The following USP10 variants were observed in gnomAD, a reference collection of about 807,000 sequenced individuals.
USP10 encodes the protein ubiquitin specific peptidase 10.
Under a neutral mutation model 84.5 loss-of-function variants are expected in USP10, and 22 were observed. The observed-to-expected ratio is 0.26, with a 90% CI of 0.19 to 0.37. The LOEUF (loss-of-function observed/expected upper bound fraction) is 0.37. Among genes scored for constraint, USP10 ranks in the 10% least tolerant of loss-of-function variants. The pLI, the probability that USP10 is intolerant of heterozygous loss-of-function variation, is 1.00. For synonymous variants in USP10, 454 were observed against 387.6 expected (o/e 1.17, Z -2.01); for missense variants, 1,019 against 998.9 (o/e 1.02, Z -0.27).
intron 4 of USP10, among the ~76,000 whole-genome samples, chr16:84,757,402 G>GTGTGTGTGTGT (rs1555546471): frequency 6.2e-4 from 51 of 82,858 alleles, no homozygotes; most frequent in South Asian, 2.8e-3. Flanking sequence ...GAGGGGTGGG[G>GTGTGTGTGTGT]GTGTGTGTGT....
intron 1 of USP10, among the ~76,000 whole-genome samples, chr16:84,719,232 C>T (rs1238637651): frequency 1.3e-5 from 2 of 152,186 alleles, no homozygotes; most frequent in Non-Finnish European, 2.9e-5. Context: ...GTAATTATCT[C>T]AAATTATTTT....
chr16:84,772,402 G>T (rs1914548399), intron 11 of USP10, 139 bp from the exon 12 acceptor site: 3 of 1,161,982 alleles, frequency 2.6e-6, no homozygotes, highest in Non-Finnish European at 3.7e-6. Flanking sequence ...CTTCTGTGGG[G>T]CAGGAAAAGC....
In USP10 at chr16:84,745,376, A is replaced by G. The variant is rs780152021; in HGVS notation, c.895A>G (p.Thr299Ala). 6 of 1,613,286 alleles carry G rather than the reference A, an allele frequency of 3.7e-6. No individual in the cohort carries two copies. In the Admixed American group the frequency reaches 8.3e-5, roughly 22 times the overall value. The change falls in exon 4 of 14, where the codon ACC becomes GCC. Residue 299 changes from threonine (T) to alanine (A), a missense_variant. Thr to Ala is a moderately conservative substitution (Grantham distance 58, BLOSUM62 0). Coordinates refer to ENST00000219473, the MANE Select transcript of USP10 (RefSeq NM_005153.3). The part of the protein sequence containing the change: ...ILESSGEGTA[T>A]NGVELHTTES... Reference sequence around the variant, plus strand: ...TGAATCCTCGGGTGAGGGCACAGCTACCAACGGGGTGGAGTTGCACACCAC... The same window carrying G: ...TGAATCCTCGGGTGAGGGCACAGCTGCCAACGGGGTGGAGTTGCACACCAC...
intron 9 of USP10, 29 bp from the exon 10 acceptor site, chr16:84,764,057 G>A: frequency 1.3e-6 from 2 of 1,582,916 alleles, no homozygotes; most frequent in Admixed American, 2.0e-5. Flanking sequence ...GTCGTAAATA[G>A]TAGTGTAAGC....
chr16:84,752,696 A>G (rs920363102), intron 4 of USP10, among the ~76,000 whole-genome samples: 1 of 152,212 alleles, frequency 6.6e-6, no homozygotes, highest in African/African-American at 2.4e-5. Context: ...TGGTCTTAGG[A>G]GGAATTAGAA....
rs145566078 is a variant in USP10, at chr16:84,743,156, A to G, written c.152-1477A>G. Reference sequence around the variant, plus strand: ...ATGATAATAAATTCATTTCCCCTTGATATTCTTTTCAAAGTAAGGAAACAA... The same window carrying G: ...ATGATAATAAATTCATTTCCCCTTGGTATTCTTTTCAAAGTAAGGAAACAA... On this transcript the variant is annotated intron_variant, in intron 3 of 13. Coordinates refer to ENST00000219473, the MANE Select transcript of USP10 (RefSeq NM_005153.3). 8.5e-5 allele frequency among the ~76,000 whole-genome samples: 13 copies of G among 152,332 alleles called. No homozygotes were observed. In the East Asian group the frequency reaches 2.5e-3, roughly 29 times the overall value.
At chr16:84,702,124 T>C (rs1904961387) in intron 1 of USP10, among the ~76,000 whole-genome samples, 1 of 136,108 alleles carries the variant, frequency 7.3e-6, no homozygotes, top group Admixed American at 8.2e-5. Flanking sequence ...TGGCATGATC[T>C]CGGCCCACTG....
intron 1 of USP10, among the ~76,000 whole-genome samples, chr16:84,703,700 G>T (rs1344659117): frequency 6.6e-6 from 1 of 152,214 alleles, no homozygotes; most frequent in Non-Finnish European, 1.5e-5. Context: ...AAGAGTAGAT[G>T]TTTTAAGTTT....
At chr16:84,704,860 G>C (rs1008199431) in intron 1 of USP10, 1 of 1,535,752 alleles carries the variant, frequency 6.5e-7, no homozygotes, top group Non-Finnish European at 8.7e-7. Flanking sequence ...GAATAGGGCA[G>C]GTAAGGTGTT....
chr16:84,733,334 G>A (rs913967552), intron 1 of USP10, 101 bp from the exon 2 acceptor site: 7 of 899,366 alleles, frequency 7.8e-6, no homozygotes, highest in East Asian at 2.5e-5. Flanking sequence ...GGGGGTTATG[G>A]CCCAAATGTT....
rs575793476 is a variant in USP10 at position 84,764,800 on chromosome 16, A to G, written c.1832+537A>G. Among the ~76,000 whole-genome samples, 7 of 151,910 alleles carry G rather than the reference A, an allele frequency of 4.6e-5. No homozygotes were observed. The South Asian group carries it at 1.5e-3, about 32-fold the overall frequency. On this transcript the variant is annotated intron_variant, in intron 10 of 13. Coordinates refer to ENST00000219473, the MANE Select transcript of USP10 (RefSeq NM_005153.3). ...GGCCCAGATAGCGCCATTGCACTCC[A>G]GCATGGGTGACAGAGTGAGACTCTG... is the stretch of plus-strand genomic sequence containing the variant.
intron 1 of USP10, among the ~76,000 whole-genome samples, chr16:84,718,827 C>G (rs558880876): frequency 2.6e-5 from 4 of 151,804 alleles, no homozygotes; most frequent in African/African-American, 9.7e-5. Flanking sequence ...GAGTCTTTCT[C>G]TGTCACCCAG....
chr16:84,756,367 T>C (rs1016739493), intron 4 of USP10, among the ~76,000 whole-genome samples: 2 of 152,166 alleles, frequency 1.3e-5, no homozygotes, highest in African/African-American at 4.8e-5. Flanking sequence ...CCAAGGCAGG[T>C]GGATCACTTG....
At chr16:84,711,426 T>C (rs1255768875) in intron 1 of USP10, among the ~76,000 whole-genome samples, 1 of 152,174 alleles carries the variant, frequency 6.6e-6, no homozygotes, top group African/African-American at 2.4e-5. Context: ...AACTTTATAA[T>C]TCATCCTGAA....
intron 1 of USP10, among the ~76,000 whole-genome samples, chr16:84,703,355 C>T (rs1905123980): frequency 6.6e-6 from 1 of 152,196 alleles, no homozygotes; most frequent in African/African-American, 2.4e-5. Context: ...GCTTCCTACA[C>T]CCAATTTGAA....
At chr16:84,745,701 G>C (rs1256287612) in intron 4 of USP10, 28 bp downstream of exon 4, 2 of 1,576,724 alleles carry the variant, frequency 1.3e-6, no homozygotes, top group Non-Finnish European at 8.6e-7. Flanking sequence ...CAAATCTAGA[G>C]TGAAGATGGG....
chr16:84,742,665 T>G (rs1910759862), intron 3 of USP10, among the ~76,000 whole-genome samples: 1 of 152,192 alleles, frequency 6.6e-6, no homozygotes, highest in Non-Finnish European at 1.5e-5. Context: ...CGTCCTGCAC[T>G]TCGTCTGCCT....
chr16:84,767,350 G>T (rs1277006877), intron 10 of USP10, among the ~76,000 whole-genome samples: 4 of 151,952 alleles, frequency 2.6e-5, no homozygotes, highest in Non-Finnish European at 4.4e-5. Flanking sequence ...AAAAAAAAAT[G>T]AAATGAAAAA....
rs117756079 is a variant in USP10 at position 84,766,579 on chromosome 16, A to T, written c.1833-1614A>T. Among the ~76,000 whole-genome samples the T allele has an allele frequency of 1.8e-4, 28 of 152,328 alleles. No homozygotes were observed. In the East Asian group the frequency reaches 5.4e-3, roughly 29 times the overall value. ...CAGCTCAAATGGAGGCATCGGGAAC[A>T]TGGTTTTTGTGCAGAGGCCGGGTAT... On this transcript the variant is annotated intron_variant, in intron 10 of 13. Transcript: ENST00000219473.
Sources: gnomAD v4.1 joint callset for allele counts (sites outside exome capture counted in the v4.1 genomes callset) on GRCh38, gnomAD v4.1.1 for gene constraint, MANE v1.5 for transcripts, NCBI Gene and HGNC (gene_info 2026-07-23, HGNC 2026-07-21) for gene names.